The following CNTN4 variants were observed in gnomAD, a reference collection of about 807,000 sequenced individuals.
The protein encoded by CNTN4 is contactin 4.
CNTN4 carries 77 observed loss-of-function variants against 122.5 expected under a neutral mutation model. The ratio of observed to expected loss-of-function variants is 0.63; its 90% CI spans 0.52 to 0.76. CNTN4 has a LOEUF of 0.76. Ranked by LOEUF, CNTN4 falls within the 30% of genes least tolerant of loss-of-function variation. The pLI is 0.00. For synonymous variants in CNTN4, 512 were observed against 447.0 expected, an observed-to-expected ratio of 1.15 and a Z score of -1.83; for missense variants, 1,256 against 1,259.1, an observed-to-expected ratio of 1.00 and a Z score of 0.04.
At chr3:2,517,535 G>T (rs116159356) in intron 3 of CNTN4, among the ~76,000 whole-genome samples, 444 of 152,180 alleles carry the variant, frequency 2.9e-3, no homozygotes, top group African/African-American at 0.01. Context: ...TTACGGTAGG[G>T]CGTAATGCCA....
At chr3:2,239,097 G>T (rs2039823437) in intron 2 of CNTN4, 1 of 151,826 alleles carries the variant, frequency 6.6e-6, no homozygotes, top group Non-Finnish European at 1.5e-5. Flanking sequence ...TTTTAATTTT[G>T]TGCAAAGTTC....
At chr3:2,772,387 G>T (rs1446074969) in intron 6 of CNTN4, among the ~76,000 whole-genome samples, 1 of 139,420 alleles carries the variant, frequency 7.2e-6, no homozygotes, top group Non-Finnish European at 1.6e-5. Flanking sequence ...TGGATGGTTT[G>T]GGTGAAGGTA....
chr3:2,675,686 G>A (rs141153529), intron 4 of CNTN4, among the ~76,000 whole-genome samples: 95 of 152,272 alleles, frequency 6.2e-4, no homozygotes, highest in African/African-American at 2.2e-3. Context: ...TAGCTGTTCT[G>A]AATAATGACT....
In CNTN4 at chr3:2,417,598, C is replaced by G. The variant is rs187595481; in HGVS notation, c.-89+78365C>G. 8.5e-5 allele frequency among the ~76,000 whole-genome samples: 13 copies of G among 152,278 alleles called. No homozygotes were observed. In the South Asian group the frequency reaches 1.5e-3, roughly 17 times the overall value. The stretch of plus-strand genomic sequence containing the variant: ...TAGAACCTTCAAAACTAAACATCCT[C>G]TTATGATACAATCCAGCAATCACAC... On this transcript the variant is annotated intron_variant, in intron 3 of 24. Coordinates refer to ENST00000418658, the MANE Select transcript of CNTN4 (RefSeq NM_175607.3).
intron 3 of CNTN4, among the ~76,000 whole-genome samples, chr3:2,421,134 A>T (rs1348694325): frequency 6.6e-6 from 1 of 152,088 alleles, no homozygotes; most frequent in South Asian, 2.1e-4. Flanking sequence ...TTCCAGTCCC[A>T]GTTTAGCCCT....
At chr3:2,512,251 A>G (rs1575810466) in intron 3 of CNTN4, among the ~76,000 whole-genome samples, 1 of 146,348 alleles carries the variant, frequency 6.8e-6, no homozygotes, top group Admixed American at 6.8e-5. Context: ...ATATTTGCAA[A>G]TATAAACTGT....
At chr3:2,109,240 A>G (rs1176244279) in intron 2 of CNTN4, among the ~76,000 whole-genome samples, 1 of 152,148 alleles carries the variant, frequency 6.6e-6, no homozygotes, top group African/African-American at 2.4e-5. Flanking sequence ...ACATATTTTC[A>G]TTATTTTTAT....
rs571764880 is a variant in CNTN4 at position 2,172,054 on chromosome 3, C to T, written c.-145+71415C>T. Reference sequence around the variant, plus strand: ...ATCCGAATGTTTGAGAACCACTGCTCTGCTGCATCCAGGGGAAAGCTATTT... The same window carrying T: ...ATCCGAATGTTTGAGAACCACTGCTTTGCTGCATCCAGGGGAAAGCTATTT... On this transcript the variant is annotated intron_variant, in intron 2 of 24. Transcript: ENST00000418658. 5.3e-5 allele frequency among the ~76,000 whole-genome samples: 8 copies of T among 152,190 alleles called. No homozygotes were observed. In the South Asian group the frequency reaches 8.3e-4, roughly 16 times the overall value.
At chr3:2,368,935 G>GT (rs1301605181) in intron 3 of CNTN4, among the ~76,000 whole-genome samples, 5 of 152,040 alleles carry the variant, frequency 3.3e-5, no homozygotes, top group African/African-American at 1.2e-4. Context: ...AATTGTGATT[G>GT]TTTTTTTGAG....
intron 2 of CNTN4, among the ~76,000 whole-genome samples, chr3:2,178,570 A>G (rs2036859345): frequency 1.3e-5 from 2 of 152,128 alleles, no homozygotes; most frequent in Middle Eastern, 3.2e-3. Flanking sequence ...TTGAGGGTCA[A>G]TGTTCAAGTA....
chr3:2,976,295 C>G (rs913650546), intron 13 of CNTN4, among the ~76,000 whole-genome samples: 1 of 152,140 alleles, frequency 6.6e-6, no homozygotes, highest in South Asian at 2.1e-4. Context: ...GAAGTTAAAC[C>G]TGAATCAAAC....
At chr3:2,670,549 T>A (rs1309287460) in intron 4 of CNTN4, among the ~76,000 whole-genome samples, 1 of 146,136 alleles carries the variant, frequency 6.8e-6, no homozygotes, top group African/African-American at 2.4e-5. Flanking sequence ...CTTTATCCAA[T>A]TTGCCAGTCT....
At chr3:3,033,181 T>G (rs796437854) in intron 16 of CNTN4, among the ~76,000 whole-genome samples, 1 of 152,050 alleles carries the variant, frequency 6.6e-6, no homozygotes, top group Admixed American at 6.6e-5. Flanking sequence ...AGAAAACTAG[T>G]GAAAAAAATT....
chr3:2,973,530 A>G (rs1190651938), intron 13 of CNTN4, among the ~76,000 whole-genome samples: 1 of 152,024 alleles, frequency 6.6e-6, no homozygotes, highest in Non-Finnish European at 1.5e-5. Flanking sequence ...GCTTCTGAAA[A>G]CTAAGTAATC....
At position 2,315,808 on chromosome 3, in the gene CNTN4, A is replaced by G. The variant is rs7621915; in HGVS notation, c.-144-23370A>G. 3.7e-3 allele frequency among the ~76,000 whole-genome samples: 558 copies of G among 152,222 alleles called. 3 individuals carry two copies. The highest frequency in any genetic ancestry group is 0.02 in the Middle Eastern group (6 of 294). On this transcript the variant is annotated intron_variant, in intron 2 of 24. Coordinates refer to ENST00000418658, the MANE Select transcript of CNTN4 (RefSeq NM_175607.3). ...TTAACTAGAAATTATGAATTATGTT[A>G]CTATCTATATAAAACTTTTAAAAAT...
chr3:2,746,691 T>C (rs1024062946), intron 6 of CNTN4, among the ~76,000 whole-genome samples: 1 of 152,216 alleles, frequency 6.6e-6, no homozygotes, highest in African/African-American at 2.4e-5. Flanking sequence ...CCAATATACC[T>C]AATATCCAGT....
intron 12 of CNTN4, among the ~76,000 whole-genome samples, chr3:2,921,774 A>G (rs528189866): frequency 1.3e-5 from 2 of 152,328 alleles, no homozygotes; most frequent in African/African-American, 2.4e-5. Context: ...CTAGTTAAGG[A>G]GCTATCATTC....
At chr3:2,238,116 A>G (rs2039754330) in intron 2 of CNTN4, among the ~76,000 whole-genome samples, 1 of 152,130 alleles carries the variant, frequency 6.6e-6, no homozygotes, top group Non-Finnish European at 1.5e-5. Context: ...TTCACTTTTT[A>G]AATTTGCAGG....
intron 13 of CNTN4, among the ~76,000 whole-genome samples, chr3:2,973,644 A>C (rs546755705): frequency 6.6e-6 from 1 of 152,090 alleles, no homozygotes; most frequent in Non-Finnish European, 1.5e-5. Flanking sequence ...ATTTTAATCC[A>C]ATAATCAACA....
Sources: allele counts gnomAD v4.1 joint callset (sites outside exome capture counted in the v4.1 genomes callset), GRCh38; gene constraint gnomAD v4.1.1; transcripts MANE v1.5; gene names NCBI Gene and HGNC (gene_info 2026-07-23, HGNC 2026-07-21).